Variants in COL5A1 observed in about 807,000 individuals in gnomAD.
COL5A1 encodes collagen type V alpha 1 chain.
A neutral mutation model predicts 263.7 loss-of-function variants in COL5A1; 16 were observed. That is an observed-to-expected ratio of 0.06 (90% CI 0.04 to 0.09). COL5A1 has a LOEUF of 0.09. Among genes scored for constraint, COL5A1 ranks in the 10% least tolerant of loss-of-function variants. COL5A1 has a pLI of 1.00. For synonymous variants in COL5A1, 1,012 were observed against 1,004.5 expected (o/e 1.01, Z -0.14); for missense variants, 2,036 against 2,540.5 (o/e 0.80, Z 4.27).
chr9:134,779,369 GT>G (rs1300762653), intron 27 of COL5A1, among the ~76,000 whole-genome samples: 1 of 152,196 alleles, frequency 6.6e-6, no homozygotes, highest in Non-Finnish European at 1.5e-5. Flanking sequence ...CCTGGGCCCC[GT>G]CCCAGAAACT....
Position 134,742,021 on chromosome 9 carries a change from C to T in COL5A1, c.1494+3213C>T, listed in dbSNP as rs147836691. Among the ~76,000 whole-genome samples the T allele has an allele frequency of 4.8e-3, 737 of 152,274 alleles. 2 individuals are homozygous for T. Among genetic ancestry groups the T allele is most frequent in the Non-Finnish European group, 8.2e-3 (555 of 68,022 alleles). On this transcript the variant is annotated intron_variant, in intron 11 of 65. Coordinates refer to ENST00000371817, the MANE Select transcript of COL5A1 (RefSeq NM_000093.5). The surrounding 1 kb of genome is among the most constrained non-coding windows in gnomAD (Gnocchi z 4.6). The stretch of plus-strand genomic sequence containing the variant: ...GCAGCCGTGGCAATTGGCTGGGAGC[C>T]GTCTGTGCACCTGTGCCGTGGCATC...
Position 134,641,892 on chromosome 9 carries a change from A to C in COL5A1, c.-296A>C. ...GGGTCGCGGGGCGGCGGCGGCGAGG[A>C]GGAGGCGAGAAGGAGTTGGAGGAGG... is the stretch of plus-strand genomic sequence containing the variant. On this transcript the variant is annotated 5_prime_UTR_variant, in exon 1 of 66. Transcript: ENST00000371817. 2.6e-6 allele frequency: 1 copy of C among 378,192 alleles called. No individual in the cohort carries two copies. Among genetic ancestry groups the C allele is most frequent in the Non-Finnish European group, 4.7e-6 (1 of 214,072 alleles). The allele number at this position is 378,192 out of a possible 1,614,324, so 23.4% of individuals were successfully genotyped here. A position where few individuals can be genotyped will look rare whatever the true frequency, so the allele number is the denominator to read the frequency against.
At chr9:134,712,559 C>A (rs1282919511) in intron 4 of COL5A1, among the ~76,000 whole-genome samples, 1 of 36,810 alleles carries the variant, frequency 2.7e-5, no homozygotes, top group Admixed American at 2.6e-4. Context: ...CCTTCCTGAG[C>A]CCCCTTTCTG....
chr9:134,650,399 A>G (rs1254707068), intron 1 of COL5A1, among the ~76,000 whole-genome samples: 1 of 152,202 alleles, frequency 6.6e-6, no homozygotes, highest in Non-Finnish European at 1.5e-5. Flanking sequence ...GATGGGGTCC[A>G]TATGCAAAGA....
Position 134,691,087 on chromosome 9 carries a change from C to T in COL5A1, c.277+8C>T. The stretch of plus-strand genomic sequence containing the variant: ...CCAAGCAGCTGTACCCTGGTAAGTG[C>T]CGCACCCTTCTGTTTGGGGCGGTGG... On this transcript the variant is annotated splice_region_variant and intron_variant, in intron 2 of 65. Coordinates refer to ENST00000371817, the MANE Select transcript of COL5A1 (RefSeq NM_000093.5). The T allele has an allele frequency of 6.2e-7, 1 of 1,612,638 alleles. No individual in the cohort carries two copies. The highest frequency in any genetic ancestry group is 8.5e-7 in the Non-Finnish European group (1 of 1,180,012).
intron 31 of COL5A1, among the ~76,000 whole-genome samples, chr9:134,786,947 G>A (rs983683953): frequency 1.3e-5 from 2 of 152,218 alleles, no homozygotes; most frequent in African/African-American, 4.8e-5. Flanking sequence ...TTAAGGAAAT[G>A]CTCCTGTCCG....
chr9:134,831,278 GT>G (rs1361784579), intron 64 of COL5A1, among the ~76,000 whole-genome samples: 13 of 152,024 alleles, frequency 8.6e-5, no homozygotes, highest in African/African-American at 3.1e-4. Context: ...TGCCCTCATT[GT>G]TGTTGGTTTG....
chr9:134,696,120 C>T lies in COL5A1; in HGVS notation c.278-3789C>T, dbSNP rs1483770933. On this transcript the variant is annotated intron_variant, in intron 2 of 65. Transcript: ENST00000371817. This position sits in a 1 kb window ranked among gnomAD's most constrained non-coding sequence, Gnocchi z 4.3. ...GCCACACCCCGCATTCATTTCCTAT[C>T]CTCTGACCTCTTTCTGCCACCCTGC... Among the ~76,000 whole-genome samples the T allele has an allele frequency of 6.6e-6, 1 of 152,130 alleles. No individual in the cohort carries two copies. The highest frequency in any genetic ancestry group is 6.5e-5 in the Admixed American group (1 of 15,274).
At chr9:134,809,316 G>A in intron 43 of COL5A1, 26 bp downstream of exon 43, 3 of 1,519,608 alleles carry the variant, frequency 2.0e-6, no homozygotes, top group East Asian at 4.6e-5. Flanking sequence ...AGTGACCCAT[G>A]GCTGGGCCTG....
chr9:134,799,548 T>G (rs73561910), intron 37 of COL5A1, among the ~76,000 whole-genome samples: 9,813 of 152,184 alleles, frequency 0.064, 467 homozygotes, highest in African/African-American at 0.12. Flanking sequence ...GGGATCAAGG[T>G]CTCTACAGGA....
intron 9 of COL5A1, 115 bp from the exon 10 acceptor site, chr9:134,738,359 A>AG (rs888052878): frequency 8.6e-7 from 1 of 1,164,292 alleles, no homozygotes; most frequent in Non-Finnish European, 1.3e-6. Flanking sequence ...CCAGGACAGC[A>AG]GGAGCTGAGC....
intron 28 of COL5A1, among the ~76,000 whole-genome samples, chr9:134,782,089 AG>A (rs934472118): frequency 6.6e-6 from 1 of 152,180 alleles, no homozygotes; most frequent in African/African-American, 2.4e-5. Flanking sequence ...AACGGACAGC[AG>A]GGGGCACTGA....
At chr9:134,708,370 C>T (rs1198407346) in intron 4 of COL5A1, 4 of 342,632 alleles carry the variant, frequency 1.2e-5, no homozygotes, top group Non-Finnish European at 2.3e-5. Context: ...GCCCAAGTCC[C>T]TGCTGCTGCC....
intron 4 of COL5A1, among the ~76,000 whole-genome samples, chr9:134,705,437 T>G (rs1176835242): frequency 1.3e-5 from 2 of 152,208 alleles, no homozygotes; most frequent in Non-Finnish European, 2.9e-5. Context: ...AGCCTTGCCA[T>G]GCAGGGGAGG....
chr9:134,837,262 C>T (rs1421832767), intron 65 of COL5A1, among the ~76,000 whole-genome samples: 1 of 152,060 alleles, frequency 6.6e-6, no homozygotes, highest in African/African-American at 2.4e-5. Context: ...TCCTGGCTTC[C>T]ATGGCAAAAA....
chr9:134,836,377 G>A (rs915714129), intron 65 of COL5A1, among the ~76,000 whole-genome samples: 1 of 152,144 alleles, frequency 6.6e-6, no homozygotes, highest in South Asian at 2.1e-4. Context: ...ATTACCCCGA[G>A]GGCAGCACCA....
chr9:134,685,225 A>AT (rs1342454922), intron 1 of COL5A1, among the ~76,000 whole-genome samples: 1 of 109,046 alleles, frequency 9.2e-6, no homozygotes. Flanking sequence ...CCATCCATTC[A>AT]CCCATCCATC....
chr9:134,781,210 T>C (rs1338920358), intron 28 of COL5A1, among the ~76,000 whole-genome samples: 1 of 152,082 alleles, frequency 6.6e-6, no homozygotes, highest in Non-Finnish European at 1.5e-5. Context: ...TTCCACGGAG[T>C]TTGTTGAGCG....
chr9:134,766,620 C>A (rs1036635186), intron 22 of COL5A1, 122 bp downstream of exon 22: 4 of 1,027,564 alleles, frequency 3.9e-6, no homozygotes, highest in Non-Finnish European at 5.8e-6. Context: ...AGGTTGCAGA[C>A]CCTCTGCTGT....
Sources: gnomAD v4.1 joint callset for allele counts (sites outside exome capture counted in the v4.1 genomes callset) on GRCh38, gnomAD v4.1.1 for gene constraint, Gnocchi (gnomAD v3.1) non-coding constraint, MANE v1.5 for transcripts, NCBI Gene and HGNC (gene_info 2026-07-23, HGNC 2026-07-21) for gene names.